ZDHHC7: variants seen among roughly 807,000 people sequenced by gnomAD.
ZDHHC7 encodes the protein palmitoyltransferase ZDHHC7.
Under a neutral mutation model 34.1 loss-of-function variants are expected in ZDHHC7, and 12 were observed. The observed-to-expected ratio is 0.35, with a 90% CI of 0.23 to 0.57. The LOEUF is 0.57. Ranked by LOEUF, ZDHHC7 falls within the 20% of genes least tolerant of loss-of-function variation. The pLI is 0.84. For missense variants in ZDHHC7, 388 were observed against 402.7 expected, an observed-to-expected ratio of 0.96 and a Z score of 0.31; for synonymous variants, 185 against 155.4, an observed-to-expected ratio of 1.19 and a Z score of -1.42.
chr16:84,988,635 C>A (rs939974797), intron 3 of ZDHHC7: 20 of 795,868 alleles, frequency 2.5e-5, no homozygotes, highest in Middle Eastern at 3.7e-4. Context: ...AGAAGCTGGA[C>A]TGCTGAGTAG....
At chr16:84,980,376 T>C (rs1003359767) in intron 4 of ZDHHC7, among the ~76,000 whole-genome samples, 1 of 152,060 alleles carries the variant, frequency 6.6e-6, no homozygotes. Context: ...GAAGTATAAT[T>C]TATATACCAT....
upstream of ZDHHC7, among the ~76,000 whole-genome samples, chr16:85,012,957 T>C (rs1403738947): frequency 6.6e-6 from 1 of 152,088 alleles, no homozygotes; most frequent in Non-Finnish European, 1.5e-5. Flanking sequence ...AATATGCCTC[T>C]TCGACAGAAA....
chr16:84,977,650 C>T (rs2072315376), intron 6 of ZDHHC7, among the ~76,000 whole-genome samples: 1 of 152,208 alleles, frequency 6.6e-6, no homozygotes, highest in Non-Finnish European at 1.5e-5. Flanking sequence ...TTTCACTACA[C>T]TTGCTTAGGG....
At chr16:85,003,098 G>C (rs2072673609) in intron 1 of ZDHHC7, among the ~76,000 whole-genome samples, 1 of 152,120 alleles carries the variant, frequency 6.6e-6, no homozygotes, top group East Asian at 1.9e-4. Context: ...AGTAACGAAG[G>C]CAAGACCAAG....
chr16:85,002,302 G>A (rs773337084), intron 1 of ZDHHC7, among the ~76,000 whole-genome samples: 7 of 152,044 alleles, frequency 4.6e-5, no homozygotes, highest in Non-Finnish European at 1.0e-4. Flanking sequence ...AGTGGAGTAC[G>A]GAAAGGAGGA....
At chr16:85,014,241 A>G (rs569500033), upstream of ZDHHC7, among the ~76,000 whole-genome samples, 1 of 152,318 alleles carries the variant, frequency 6.6e-6, no homozygotes, top group East Asian at 1.9e-4. Context: ...CCACCTGAGA[A>G]GTATAGATTT....
chr16:85,000,873 C>G (rs1300473101), intron 1 of ZDHHC7, among the ~76,000 whole-genome samples: 1 of 152,194 alleles, frequency 6.6e-6, no homozygotes, highest in Non-Finnish European at 1.5e-5. Context: ...CCCAAGTTAG[C>G]AGCAAAGTGT....
chr16:84,977,629 C>T (rs982385716), intron 6 of ZDHHC7, among the ~76,000 whole-genome samples: 1 of 152,168 alleles, frequency 6.6e-6, no homozygotes, highest in Non-Finnish European at 1.5e-5. Context: ...GGTAGGATAA[C>T]GAGCACCTAT....
At chr16:85,006,485 G>A (rs572661465) in intron 1 of ZDHHC7, among the ~76,000 whole-genome samples, 1 of 152,172 alleles carries the variant, frequency 6.6e-6, no homozygotes, top group African/African-American at 2.4e-5. Context: ...AGGCTGAGGT[G>A]GGCAGATCAT....
intron 3 of ZDHHC7, among the ~76,000 whole-genome samples, chr16:84,982,359 A>AAG (rs2072382113): frequency 6.6e-6 from 1 of 151,986 alleles, no homozygotes; most frequent in Non-Finnish European, 1.5e-5. Context: ...AAAAAAAAAA[A>AAG]ATCATATATT....
rs1374673242 is a variant in ZDHHC7, at chr16:85,003,000, G to C, written c.-103-6993C>G. 2.0e-5 allele frequency among the ~76,000 whole-genome samples: 3 copies of C among 152,118 alleles called. No homozygotes were observed. In the South Asian group the frequency reaches 6.2e-4, roughly 32 times the overall value. On this transcript the variant is annotated intron_variant, in intron 1 of 7. Coordinates refer to ENST00000313732, the MANE Select transcript of ZDHHC7 (RefSeq NM_017740.3). ...TAAGTGTCTCATAGAGGATGGGAAT[G>C]GCTGGTCCTTTTATCCAAAAGCCCA...
At chr16:85,002,492 G>C (rs1227982165) in intron 1 of ZDHHC7, among the ~76,000 whole-genome samples, 2 of 152,038 alleles carry the variant, frequency 1.3e-5, no homozygotes, top group Non-Finnish European at 2.9e-5. Context: ...CAAGTCCCAA[G>C]AGAAGAGCAT....
At position 84,976,046 on chromosome 16, in the gene ZDHHC7, G is replaced by T; in HGVS notation, c.*297C>A. The stretch of plus-strand genomic sequence containing the variant: ...AACAGCAGCTCAGGACCCAGGATTT[G>T]AATAACCCATGTAATAACCCGAAGT... On this transcript the variant is annotated 3_prime_UTR_variant, in exon 8 of 8. Transcript: ENST00000313732. 5.4e-6 allele frequency: 2 copies of T among 369,976 alleles called. No homozygotes were observed. Among genetic ancestry groups the T allele is most frequent in the Non-Finnish European group, 9.8e-6 (2 of 205,076 alleles). The allele number at this position is 369,976 out of a possible 1,614,324, so 22.9% of individuals were successfully genotyped here.
At chr16:85,026,237 A>G in the ZDHHC7 span, among the ~76,000 whole-genome samples, 170 of 152,310 alleles carry the variant, frequency 1.1e-3, 1 homozygote, top group African/African-American at 4.0e-3. Flanking sequence ...GAGTTTATTC[A>G]GCCACAGCAT....
At chr16:84,984,935 G>A (rs1395049771) in intron 3 of ZDHHC7, among the ~76,000 whole-genome samples, 2 of 152,222 alleles carry the variant, frequency 1.3e-5, no homozygotes, top group Non-Finnish European at 2.9e-5. Context: ...GACAGCGGCA[G>A]GGGCTGGAGC....
the ZDHHC7 span, among the ~76,000 whole-genome samples, chr16:85,016,890 C>A: frequency 6.6e-6 from 1 of 152,086 alleles, no homozygotes; most frequent in East Asian, 1.9e-4. Context: ...TATGCCTCAG[C>A]TTTATACAAA....
At chr16:84,983,943 G>C (rs1338763691) in intron 3 of ZDHHC7, among the ~76,000 whole-genome samples, 1 of 140,024 alleles carries the variant, frequency 7.1e-6, no homozygotes, top group Non-Finnish European at 1.5e-5. Flanking sequence ...AGTGAGCCAA[G>C]ATCACGCCAC....
chr16:85,016,746 C>T, the ZDHHC7 span, among the ~76,000 whole-genome samples: 2 of 152,042 alleles, frequency 1.3e-5, no homozygotes, highest in Non-Finnish European at 2.9e-5. Context: ...AGGCATGAGC[C>T]ACCACACCTG....
intron 1 of ZDHHC7, among the ~76,000 whole-genome samples, chr16:85,005,343 C>T (rs1453347073): frequency 6.6e-6 from 1 of 152,110 alleles, no homozygotes; most frequent in Non-Finnish European, 1.5e-5. Context: ...ACATTTAGCC[C>T]TCAATTACAA....
Sources: gnomAD v4.1 joint callset for allele counts (sites outside exome capture counted in the v4.1 genomes callset) on GRCh38, gnomAD v4.1.1 for gene constraint, MANE v1.5 for transcripts, NCBI Gene and HGNC (gene_info 2026-07-23, HGNC 2026-07-21) for gene names.